PCGF6: variants seen among roughly 807,000 people sequenced by gnomAD.
The protein encoded by PCGF6 is polycomb group RING finger protein 6.
PCGF6 carries 24 observed loss-of-function variants against 45.5 expected under a neutral mutation model. The observed-to-expected ratio is 0.53, with a 90% CI of 0.38 to 0.74. The LOEUF is 0.74. PCGF6 is among the 30% of genes least tolerant of loss of function. The pLI is 0.00. For missense variants in PCGF6, 356 were observed against 443.2 expected (o/e 0.80, Z 1.77); for synonymous variants, 152 against 162.1 (o/e 0.94, Z 0.47).
At chr10:103,342,556 C>T (rs989485355) in intron 6 of PCGF6, among the ~76,000 whole-genome samples, 5 of 151,944 alleles carry the variant, frequency 3.3e-5, no homozygotes, top group Non-Finnish European at 7.4e-5. Context: ...TATGGCCTTT[C>T]AGGAATGGCC....
intron 6 of PCGF6, among the ~76,000 whole-genome samples, chr10:103,343,160 C>T (rs1209076503): frequency 6.6e-6 from 1 of 151,686 alleles, no homozygotes; most frequent in Non-Finnish European, 1.5e-5. Flanking sequence ...GATCTTCTGA[C>T]CTCATGATCC....
intron 1 of PCGF6, among the ~76,000 whole-genome samples, chr10:103,350,304 T>C (rs530951016): frequency 4.1e-5 from 6 of 147,640 alleles, no homozygotes; most frequent in East Asian, 2.0e-4. Context: ...CCCGGCGTGG[T>C]GGCGCGTGCC....
chr10:103,344,937 A>G, intron 6 of PCGF6, 87 bp downstream of exon 6: 1 of 890,510 alleles, frequency 1.1e-6, no homozygotes, highest in South Asian at 1.8e-5. Context: ...GATGTCAGAA[A>G]ACTTGATTTT....
At chr10:103,314,831 T>C (rs1296796165) in intron 8 of PCGF6, among the ~76,000 whole-genome samples, 2 of 151,646 alleles carry the variant, frequency 1.3e-5, no homozygotes, top group Admixed American at 6.6e-5. Context: ...TCATGGTGCC[T>C]GTAATCCCAG....
chr10:103,326,428 A>G, intron 8 of PCGF6, 106 bp downstream of exon 8: 2 of 718,144 alleles, frequency 2.8e-6, no homozygotes, highest in Non-Finnish European at 4.3e-6. Flanking sequence ...ACATCATAAA[A>G]CAAAAATAAC....
chr10:103,310,426 T>C (rs566036547), intron 9 of PCGF6, among the ~76,000 whole-genome samples: 3 of 152,226 alleles, frequency 2.0e-5, no homozygotes, highest in Admixed American at 2.0e-4. Flanking sequence ...GGGTTTGAGT[T>C]AAACAAATAG....
intron 7 of PCGF6, among the ~76,000 whole-genome samples, chr10:103,329,330 G>A (rs566912260): frequency 4.0e-5 from 6 of 151,010 alleles, no homozygotes; most frequent in South Asian, 2.1e-4. Context: ...GTGAGCCACC[G>A]CACCCGGCCC....
chr10:103,346,301 G>A (rs1165258011), intron 5 of PCGF6, among the ~76,000 whole-genome samples: 3 of 151,662 alleles, frequency 2.0e-5, no homozygotes, highest in Admixed American at 6.6e-5. Context: ...AGACCAGCCT[G>A]ACAAACATGG....
intron 8 of PCGF6, among the ~76,000 whole-genome samples, chr10:103,324,907 G>C (rs938246285): frequency 5.3e-5 from 8 of 151,736 alleles, no homozygotes; most frequent in Non-Finnish European, 8.8e-5. Flanking sequence ...GGCCGAGGTA[G>C]GCGGATCACC....
chr10:103,326,439 A>T (rs1353560888), intron 8 of PCGF6, 95 bp downstream of exon 8: 1 of 766,012 alleles, frequency 1.3e-6, no homozygotes, highest in Non-Finnish European at 2.0e-6. Flanking sequence ...CAAAAATAAC[A>T]AAAATAATTG....
In PCGF6 at chr10:103,351,041, G is replaced by A. The variant is rs1012815791; in HGVS notation, c.26C>T (p.Ala9Val). MEGVAVVT[A>V]GSVGAAKTEG... ...GGTTTTGGCAGCGCCTACGCTGCCC[G>A]CCGTCACCACCGCGACCCCCTCCAT... Residue 9 changes from alanine (A) to valine (V), a missense_variant, in exon 1 of 10, where the codon GCG becomes GTG. This residue lies in a region of PCGF6 where 307 missense variants were observed against 350.1 expected (regional missense o/e 0.88). Coordinates refer to ENST00000369847, the MANE Select transcript of PCGF6 (RefSeq NM_001011663.2). 2 of 1,390,408 alleles carry A rather than the reference G, an allele frequency of 1.4e-6. No individual in the cohort carries two copies. The highest frequency in any genetic ancestry group is 1.9e-6 in the Non-Finnish European group (2 of 1,071,724). 86.1% of individuals were successfully genotyped at this position (1,390,408 alleles called of 1,614,324 possible).
Position 103,333,117 on chromosome 10 carries a change from TAA to T in PCGF6, c.810+806_810+807del, listed in dbSNP as rs55722610. Among the ~76,000 whole-genome samples, 515 of 130,902 alleles carry T rather than the reference TAA, an allele frequency of 3.9e-3. 1 individual carries two copies. Among genetic ancestry groups the T allele is most frequent in the Middle Eastern group, 7.8e-3 (2 of 258 alleles). The allele number at this position is 130,902 out of a possible 152,430, so 85.9% of individuals were successfully genotyped here. ...CTGGGCAACAGAGGAAGACTCCATTTAAAAAAAAAAAAAAAAAAAAATCATGA... is the reference window on the plus strand; with the variant it reads ...CTGGGCAACAGAGGAAGACTCCATTTAAAAAAAAAAAAAAAAAAATCATGA... On this transcript the variant is annotated intron_variant, in intron 7 of 9. Transcript: ENST00000369847.
At chr10:103,336,170 G>A (rs2093256477) in intron 6 of PCGF6, among the ~76,000 whole-genome samples, 1 of 151,492 alleles carries the variant, frequency 6.6e-6, no homozygotes, top group South Asian at 2.1e-4. Flanking sequence ...GGAGGCAAAG[G>A]TTGCAGGGAG....
At chr10:103,321,858 T>C (rs1338925196) in intron 8 of PCGF6, among the ~76,000 whole-genome samples, 2 of 152,000 alleles carry the variant, frequency 1.3e-5, no homozygotes, top group East Asian at 3.9e-4. Context: ...TTTCAAAACA[T>C]CATGTTGTAT....
In PCGF6 at chr10:103,303,935, A is replaced by C; in HGVS notation, c.1023T>G (p.Gly341=). ...TTATCTTCAGAGGAGAAACCACAAG[A>C]CCATAATGAAGGACAAGCAGACCAT... ...MQDGLLVLHY[G]LVVSPLKIT Residue 341 remains glycine (G), a synonymous_variant, in exon 10 of 10, where the codon GGT becomes GGG. Transcript: ENST00000369847. 1 of 1,613,814 alleles carries C rather than the reference A, an allele frequency of 6.2e-7. No homozygotes were observed. Among genetic ancestry groups the C allele is most frequent in the East Asian group, 2.2e-5 (1 of 44,866 alleles).
At chr10:103,304,821 T>C (rs566444032) in intron 9 of PCGF6, among the ~76,000 whole-genome samples, 2 of 152,026 alleles carry the variant, frequency 1.3e-5, no homozygotes, top group South Asian at 2.1e-4. Context: ...ACCAGACTCA[T>C]TTTTGTATTT....
chr10:103,338,469 C>T (rs564059530), intron 6 of PCGF6, among the ~76,000 whole-genome samples: 46 of 147,702 alleles, frequency 3.1e-4, no homozygotes, highest in South Asian at 2.0e-3. Flanking sequence ...GGCATGAACC[C>T]GGGAGGCGGA....
intron 1 of PCGF6, 105 bp from the exon 2 acceptor site, chr10:103,349,104 G>T: frequency 1.1e-6 from 1 of 938,034 alleles, no homozygotes; most frequent in Non-Finnish European, 1.6e-6. Context: ...GCTGAGTGCA[G>T]TGATGTCATC....
intron 3 of PCGF6, 187 bp downstream of exon 3, chr10:103,348,529 T>C: frequency 2.3e-6 from 1 of 429,712 alleles, no homozygotes; most frequent in Non-Finnish European, 4.1e-6. Context: ...TTCACCATGT[T>C]GGCCAGGTTG....
Sources: gnomAD v4.1 joint callset for allele counts (sites outside exome capture counted in the v4.1 genomes callset) on GRCh38, gnomAD v4.1.1 for gene constraint, gnomAD v4.1.1 regional missense constraint, MANE v1.5 for transcripts, NCBI Gene and HGNC (gene_info 2026-07-23, HGNC 2026-07-21) for gene names.